The following ARFIP1 variants were observed in gnomAD, a reference collection of about 807,000 sequenced individuals.
ARFIP1 encodes ARF interacting protein 1, also known as arfaptin-1.
ARFIP1 carries 24 observed loss-of-function variants against 42.5 expected under a neutral mutation model. That is an observed-to-expected ratio of 0.57 (90% confidence interval 0.41 to 0.80). The LOEUF (loss-of-function observed/expected upper bound fraction) is 0.80, where lower values mean the gene tolerates loss of function less well. ARFIP1 is among the 30% of genes least tolerant of loss of function. The pLI is 0.00. For missense variants in ARFIP1, 354 were observed against 434.0 expected (o/e 0.82, Z 1.64); for synonymous variants, 141 against 153.7 (o/e 0.92, Z 0.61).
At chr4:152,784,194 T>C (rs1730664562) in intron 1 of ARFIP1, among the ~76,000 whole-genome samples, 1 of 152,138 alleles carries the variant, frequency 6.6e-6, no homozygotes. Flanking sequence ...ATCATGACAA[T>C]CTAAAAGTCA....
intron 8 of ARFIP1, among the ~76,000 whole-genome samples, chr4:152,896,575 A>T (rs1737350992): frequency 6.6e-6 from 1 of 152,210 alleles, no homozygotes. Flanking sequence ...CACAAAGAAA[A>T]ACGGGAAGGA....
intron 4 of ARFIP1, among the ~76,000 whole-genome samples, chr4:152,871,132 A>T (rs1734844782): frequency 6.6e-6 from 1 of 152,178 alleles, no homozygotes. Flanking sequence ...TTTGCTCTGG[A>T]AATTGTAGGT....
rs59608457 is a variant in ARFIP1 at position 152,905,545 on chromosome 4, GTTTTTTTTT to G, written c.967-4502_967-4494del. 9.9e-5 allele frequency among the ~76,000 whole-genome samples: 3 copies of G among 30,378 alleles called. No homozygotes were observed. The South Asian group carries it at 5.7e-3, about 58-fold the overall frequency. 19.9% of individuals were successfully genotyped at this position (30,378 alleles called of 152,430 possible). On this transcript the variant is annotated intron_variant, in intron 8 of 8. Coordinates refer to ENST00000353617, the MANE Select transcript of ARFIP1 (RefSeq NM_001025595.3). Reference sequence around the variant, plus strand: ...TTATTCTTACTGAATTGTAAGAATTGTTTTTTTTTTTTTTTTTTTTTTTTTGAGATGGAG... The same window carrying G: ...TTATTCTTACTGAATTGTAAGAATTGTTTTTTTTTTTTTTTTGAGATGGAG...
chr4:152,816,692 A>G (rs564078322), intron 1 of ARFIP1, among the ~76,000 whole-genome samples: 7 of 152,362 alleles, frequency 4.6e-5, no homozygotes, highest in African/African-American at 1.4e-4. Flanking sequence ...GTTCTTCACA[A>G]AACATCACAA....
At chr4:152,850,101 A>G (rs1732862962) in intron 2 of ARFIP1, among the ~76,000 whole-genome samples, 1 of 152,204 alleles carries the variant, frequency 6.6e-6, no homozygotes, top group Admixed American at 6.5e-5. Flanking sequence ...ACCTTTACAT[A>G]TCATTATTAC....
intron 8 of ARFIP1, among the ~76,000 whole-genome samples, chr4:152,908,785 C>G (rs1401004538): frequency 1.3e-5 from 2 of 152,008 alleles, no homozygotes; most frequent in Non-Finnish European, 2.9e-5. Context: ...CTAGACCTGT[C>G]CCTGACAACC....
chr4:152,788,884 G>T (rs1444306346), intron 1 of ARFIP1, among the ~76,000 whole-genome samples: 1 of 116,880 alleles, frequency 8.6e-6, no homozygotes, highest in Non-Finnish European at 1.7e-5. Context: ...CTTTCATTTT[G>T]ACAGTTTCTC....
At chr4:152,852,720 G>A (rs1733100356) in intron 2 of ARFIP1, among the ~76,000 whole-genome samples, 1 of 152,070 alleles carries the variant, frequency 6.6e-6, no homozygotes, top group Admixed American at 6.5e-5. Context: ...CTTAGAGAAT[G>A]AGTATTTTAT....
intron 1 of ARFIP1, among the ~76,000 whole-genome samples, chr4:152,794,994 C>T (rs1040022466): frequency 6.6e-6 from 1 of 152,078 alleles, no homozygotes; most frequent in African/African-American, 2.4e-5. Flanking sequence ...TACTATGGTT[C>T]TGAGAGTCAG....
At chr4:152,811,516 A>G (rs1729463717) in intron 1 of ARFIP1, among the ~76,000 whole-genome samples, 1 of 152,192 alleles carries the variant, frequency 6.6e-6, no homozygotes, top group Non-Finnish European at 1.5e-5. Context: ...CAATTTCAGC[A>G]AATGTTCATA....
intron 1 of ARFIP1, among the ~76,000 whole-genome samples, chr4:152,788,815 T>C (rs1483023879): frequency 6.6e-6 from 1 of 150,828 alleles, no homozygotes; most frequent in Non-Finnish European, 1.5e-5. Flanking sequence ...TTTTTTTTTT[T>C]TTTTTTCTGT....
At chr4:152,826,467 C>T (rs1326660971) in intron 1 of ARFIP1, among the ~76,000 whole-genome samples, 1 of 152,020 alleles carries the variant, frequency 6.6e-6, no homozygotes, top group Non-Finnish European at 1.5e-5. Context: ...ATTGGAGACT[C>T]AGAAGAGGGG....
intron 1 of ARFIP1, among the ~76,000 whole-genome samples, chr4:152,803,998 T>C (rs868178736): frequency 1.1e-4 from 15 of 136,026 alleles, no homozygotes; most frequent in African/African-American, 3.3e-4. Context: ...ATATATATAA[T>C]ATAACATGTA....
chr4:152,887,682 A>C (rs1463768012), intron 7 of ARFIP1, among the ~76,000 whole-genome samples: 1 of 152,092 alleles, frequency 6.6e-6, no homozygotes, highest in African/African-American at 2.4e-5. Context: ...TGTTACTCAC[A>C]TTACATTTTT....
At position 152,825,218 on chromosome 4, in the gene ARFIP1, T is replaced by G. The variant is rs1730735412; in HGVS notation, c.-9-4407T>G. Among the ~76,000 whole-genome samples, 3 of 152,192 alleles carry G rather than the reference T, an allele frequency of 2.0e-5. No individual in the cohort carries two copies. In the South Asian group the frequency reaches 6.2e-4, roughly 32 times the overall value. On this transcript the variant is annotated intron_variant, in intron 1 of 8. Coordinates refer to ENST00000353617, the MANE Select transcript of ARFIP1 (RefSeq NM_001025595.3). ...AGAAAAAAAAATCCTAAAATTCATA[T>G]GGAACCAAAAAAGAGCCCAAATAGC... is the stretch of plus-strand genomic sequence containing the variant.
At chr4:152,851,588 A>G (rs930593962) in intron 2 of ARFIP1, among the ~76,000 whole-genome samples, 1 of 152,198 alleles carries the variant, frequency 6.6e-6, no homozygotes, top group Non-Finnish European at 1.5e-5. Context: ...GAGCCACTAA[A>G]TGCTATAAAA....
At chr4:152,790,864 C>T (rs1214515480) in intron 1 of ARFIP1, among the ~76,000 whole-genome samples, 4 of 151,102 alleles carry the variant, frequency 2.6e-5, no homozygotes, top group African/African-American at 9.7e-5. Flanking sequence ...TCCTGAGTCA[C>T]TGGGACCCCA....
intron 2 of ARFIP1, among the ~76,000 whole-genome samples, chr4:152,856,220 A>T (rs536264279): frequency 1.3e-5 from 2 of 152,336 alleles, no homozygotes; most frequent in East Asian, 3.9e-4. Context: ...CTGCTATTAT[A>T]TCTCTTTTCC....
At chr4:152,817,691 AG>A (rs112280287) in intron 1 of ARFIP1, among the ~76,000 whole-genome samples, 6,596 of 152,334 alleles carry the variant, frequency 0.043, 175 homozygotes, top group South Asian at 0.11. Flanking sequence ...AATATTTGCA[AG>A]TTATGCATTT....
Sources: gnomAD v4.1 joint callset for allele counts (sites outside exome capture counted in the v4.1 genomes callset) on GRCh38, gnomAD v4.1.1 for gene constraint, MANE v1.5 for transcripts, NCBI Gene and HGNC (gene_info 2026-07-23, HGNC 2026-07-21) for gene names.